The following SCHIP1 variants were observed in gnomAD, a reference collection of about 807,000 sequenced individuals.
SCHIP1 encodes the protein schwannomin interacting protein 1.
In SCHIP1, 8 loss-of-function variants were observed where a neutral mutation model predicts 29.7. The ratio of observed to expected loss-of-function variants is 0.27; its 90% CI spans 0.16 to 0.49. SCHIP1 has a LOEUF of 0.49. Among genes scored for constraint, SCHIP1 ranks in the 20% least tolerant of loss-of-function variants. The pLI, the probability that SCHIP1 is intolerant of heterozygous loss-of-function variation, is 0.99. For missense variants in SCHIP1, 193 were observed against 294.6 expected, an observed-to-expected ratio of 0.66 and a Z score of 2.52; for synonymous variants, 76 against 94.9, an observed-to-expected ratio of 0.80 and a Z score of 1.16.
the SCHIP1 span, among the ~76,000 whole-genome samples, chr3:159,712,017 A>G: frequency 6.6e-6 from 1 of 152,078 alleles, no homozygotes; most frequent in Non-Finnish European, 1.5e-5. Flanking sequence ...CTAACAACAA[A>G]AATAACAACA....
the SCHIP1 span, among the ~76,000 whole-genome samples, chr3:159,761,787 T>C: frequency 6.6e-6 from 1 of 152,238 alleles, no homozygotes. Context: ...GCACTAGACT[T>C]ACTTTGCCAA....
chr3:159,433,172 G>T, the SCHIP1 span, among the ~76,000 whole-genome samples: 1 of 152,288 alleles, frequency 6.6e-6, no homozygotes, highest in African/African-American at 2.4e-5. Context: ...AGCTGAAAAA[G>T]CATATCTGGC....
the SCHIP1 span, among the ~76,000 whole-genome samples, chr3:159,421,853 G>A: frequency 3.9e-5 from 6 of 152,040 alleles, no homozygotes; most frequent in East Asian, 3.9e-4. Context: ...AATTCATACC[G>A]AGCCCACTGT....
At chr3:159,836,919 C>T (rs1442980388), upstream of SCHIP1, among the ~76,000 whole-genome samples, 1 of 152,182 alleles carries the variant, frequency 6.6e-6, no homozygotes, top group African/African-American at 2.4e-5. Flanking sequence ...AAAGTTGTTT[C>T]CAATGAATGA....
chr3:159,296,418 C>T, the SCHIP1 span, among the ~76,000 whole-genome samples: 1 of 152,090 alleles, frequency 6.6e-6, no homozygotes, highest in Admixed American at 6.5e-5. Flanking sequence ...TTAATTAACA[C>T]ATTACCACCC....
chr3:159,383,746 A>G, the SCHIP1 span, among the ~76,000 whole-genome samples: 1 of 146,718 alleles, frequency 6.8e-6, no homozygotes, highest in South Asian at 2.2e-4. Flanking sequence ...ATGAGCATGG[A>G]ATGTTCTTCC....
At chr3:159,657,081 C>T in the SCHIP1 span, among the ~76,000 whole-genome samples, 1 of 152,138 alleles carries the variant, frequency 6.6e-6, no homozygotes, top group Admixed American at 6.5e-5. Context: ...ATAATGGTTT[C>T]CCCTGTACTA....
At chr3:159,670,672 A>G in the SCHIP1 span, among the ~76,000 whole-genome samples, 1 of 151,290 alleles carries the variant, frequency 6.6e-6, no homozygotes, top group Non-Finnish European at 1.5e-5. Flanking sequence ...CAAGCCAATG[A>G]GAGTCATATT....
the SCHIP1 span, among the ~76,000 whole-genome samples, chr3:159,336,602 T>A: frequency 6.6e-6 from 1 of 152,220 alleles, no homozygotes; most frequent in Non-Finnish European, 1.5e-5. Context: ...AAATAGGGAA[T>A]CATTTCCCCA....
the SCHIP1 span, among the ~76,000 whole-genome samples, chr3:159,804,288 C>T: frequency 6.6e-6 from 1 of 152,198 alleles, no homozygotes; most frequent in African/African-American, 2.4e-5. Flanking sequence ...AACTGGAGGC[C>T]TGTTCTCTCT....
At chr3:159,675,571 C>T in the SCHIP1 span, among the ~76,000 whole-genome samples, 1 of 152,158 alleles carries the variant, frequency 6.6e-6, no homozygotes, top group South Asian at 2.1e-4. Flanking sequence ...CTTCCAGGCC[C>T]GCATGAGCTT....
At chr3:159,829,429 G>A in the SCHIP1 span, among the ~76,000 whole-genome samples, 2 of 152,308 alleles carry the variant, frequency 1.3e-5, no homozygotes, top group South Asian at 2.1e-4. Context: ...GTTGTGAAAT[G>A]TGAAAATAAT....
At chr3:159,387,690 G>T in the SCHIP1 span, among the ~76,000 whole-genome samples, 1 of 152,154 alleles carries the variant, frequency 6.6e-6, no homozygotes, top group African/African-American at 2.4e-5. Context: ...CCATTGCAGT[G>T]CATAATGGTC....
chr3:159,813,451 G>A, the SCHIP1 span, among the ~76,000 whole-genome samples: 38 of 152,276 alleles, frequency 2.5e-4, no homozygotes, highest in African/African-American at 8.9e-4. Flanking sequence ...GATCTCTTGA[G>A]CCCAGGAGGC....
the SCHIP1 span, among the ~76,000 whole-genome samples, chr3:159,558,450 A>G: frequency 6.6e-6 from 1 of 152,220 alleles, no homozygotes; most frequent in Non-Finnish European, 1.5e-5. Flanking sequence ...AGAATCCAGG[A>G]GAGATTTCTA....
At chr3:159,781,188 T>G in the SCHIP1 span, among the ~76,000 whole-genome samples, 1 of 152,182 alleles carries the variant, frequency 6.6e-6, no homozygotes, top group Admixed American at 6.6e-5. Context: ...ATTTATTTAT[T>G]TATTGAGACA....
the SCHIP1 span, among the ~76,000 whole-genome samples, chr3:159,593,332 G>T: frequency 6.6e-6 from 1 of 152,106 alleles, no homozygotes; most frequent in South Asian, 2.1e-4. Flanking sequence ...TGAACAGGCT[G>T]CCCTCTTTAT....
chr3:159,793,834 A>G, the SCHIP1 span, among the ~76,000 whole-genome samples: 1 of 152,222 alleles, frequency 6.6e-6, no homozygotes, highest in African/African-American at 2.4e-5. Context: ...CTGGGATTAC[A>G]AGCGTGAGCC....
At chr3:159,471,102 A>G in the SCHIP1 span, among the ~76,000 whole-genome samples, 1 of 152,090 alleles carries the variant, frequency 6.6e-6, no homozygotes, top group Non-Finnish European at 1.5e-5. Context: ...CTGTGTGTGT[A>G]TTATATCTAA....
Sources: gnomAD v4.1 joint callset for allele counts (sites outside exome capture counted in the v4.1 genomes callset) on GRCh38, gnomAD v4.1.1 for gene constraint, MANE v1.5 for transcripts, NCBI Gene and HGNC (gene_info 2026-07-23, HGNC 2026-07-21) for gene names.